The following TPD52 variants were observed in gnomAD, a reference collection of about 807,000 sequenced individuals.
TPD52 encodes the protein tumor protein D52.
A neutral mutation model predicts 31.3 loss-of-function variants in TPD52; 17 were observed. The observed-to-expected ratio is 0.54, with a 90% CI of 0.37 to 0.82. TPD52 has a LOEUF of 0.82. Ranked by LOEUF, TPD52 falls within the 40% of genes least tolerant of loss-of-function variation. The pLI, the probability that TPD52 is intolerant of heterozygous loss-of-function variation, is 0.00. For missense variants in TPD52, 212 were observed against 240.1 expected, an observed-to-expected ratio of 0.88 and a Z score of 0.77; for synonymous variants, 83 against 89.6, an observed-to-expected ratio of 0.93 and a Z score of 0.42.
intron 1 of TPD52, among the ~76,000 whole-genome samples, chr8:80,134,917 C>T (rs2131103542): frequency 6.6e-6 from 1 of 152,312 alleles, no homozygotes; most frequent in South Asian, 2.1e-4. Flanking sequence ...TAATTTGTTA[C>T]ACAGCGATAG....
intron 2 of TPD52, among the ~76,000 whole-genome samples, chr8:80,058,616 G>A (rs1030107237): frequency 9.8e-5 from 15 of 152,286 alleles, no homozygotes; most frequent in Non-Finnish European, 1.9e-4. Context: ...TGGCCTACAT[G>A]ACAAAACCCC....
At chr8:80,068,290 G>A (rs554769438) in intron 1 of TPD52, among the ~76,000 whole-genome samples, 2 of 152,222 alleles carry the variant, frequency 1.3e-5, no homozygotes, top group African/African-American at 4.8e-5. Context: ...CAGAGTTACA[G>A]AGGCAGGATT....
At chr8:80,148,912 T>C (rs1810385522) in intron 1 of TPD52, among the ~76,000 whole-genome samples, 1 of 152,226 alleles carries the variant, frequency 6.6e-6, no homozygotes, top group African/African-American at 2.4e-5. Context: ...AACACAGTTC[T>C]GCTCACTTCC....
At chr8:80,071,310 A>T (rs1354874696) in intron 1 of TPD52, among the ~76,000 whole-genome samples, 1 of 152,166 alleles carries the variant, frequency 6.6e-6, no homozygotes, top group East Asian at 1.9e-4. Flanking sequence ...ATTTATCTTC[A>T]AAGAGCCCCA....
intron 1 of TPD52, among the ~76,000 whole-genome samples, chr8:80,079,670 G>A (rs1325556694): frequency 1.3e-5 from 2 of 152,152 alleles, no homozygotes; most frequent in East Asian, 1.9e-4. Context: ...GACCCAGCCG[G>A]GAGGATGGCT....
At chr8:80,086,407 G>A (rs192494022) in intron 1 of TPD52, among the ~76,000 whole-genome samples, 19 of 151,810 alleles carry the variant, frequency 1.3e-4, no homozygotes, top group African/African-American at 3.9e-4. Flanking sequence ...GTGAGCCACC[G>A]AGCCTGACCG....
chr8:80,056,688 T>TA (rs965722069), intron 2 of TPD52, among the ~76,000 whole-genome samples: 14 of 151,590 alleles, frequency 9.2e-5, no homozygotes, highest in South Asian at 2.1e-4. Context: ...TGGTTACAAT[T>TA]AAAAAAAACA....
At chr8:80,080,016 T>G (rs149036172) in intron 1 of TPD52, among the ~76,000 whole-genome samples, 11 of 152,226 alleles carry the variant, frequency 7.2e-5, no homozygotes, top group African/African-American at 2.7e-4. Context: ...GATTCCTCCT[T>G]TTTTGTTATT....
At chr8:80,157,063 C>A (rs1248495832) in intron 1 of TPD52, among the ~76,000 whole-genome samples, 1 of 152,158 alleles carries the variant, frequency 6.6e-6, no homozygotes, top group African/African-American at 2.4e-5. Flanking sequence ...TCCCGCTCCA[C>A]TTTGGATTGG....
chr8:80,051,642 T>C lies in TPD52; in HGVS notation c.285-14A>G. 1 of 1,574,600 alleles carries C rather than the reference T, an allele frequency of 6.4e-7. No homozygotes were observed. The highest frequency in any genetic ancestry group is 8.6e-7 in the Non-Finnish European group (1 of 1,162,308). On this transcript the variant is annotated splice_polypyrimidine_tract_variant and intron_variant, in intron 3 of 7. Coordinates refer to ENST00000518937, the MANE Select transcript of TPD52 (RefSeq NM_001025253.3). ...GTCTTCTTGTAACTATATTAAATTA[T>C]AAACACACAGAGCAAAAGAAGGGTC...
rs1349269868 is a variant in TPD52, at chr8:80,171,429, C to T, written c.15G>A (p.Glu5=). MDRG[E]QGLLRTDPVP... ...CCGCTGGGTCCGCGCCCTCACCTTG[C>T]TCGCCGCGGTCCATGTCTCCAGCCC... Residue 5 remains glutamate, a synonymous_variant, in exon 1 of 8, where the codon GAG becomes GAA. Coordinates refer to ENST00000518937, the MANE Select transcript of TPD52 (RefSeq NM_001025253.3). 6.3e-7 allele frequency: 1 copy of T among 1,595,652 alleles called. No individual in the cohort carries two copies. The highest frequency in any genetic ancestry group is 2.2e-5 in the East Asian group (1 of 44,516).
At chr8:80,082,416 G>C (rs932167357) in intron 1 of TPD52, among the ~76,000 whole-genome samples, 2 of 152,102 alleles carry the variant, frequency 1.3e-5, no homozygotes, top group Non-Finnish European at 2.9e-5. Context: ...GGTAGAAAAA[G>C]TATTTGTCCA....
At chr8:80,098,902 C>A (rs921840975) in intron 1 of TPD52, among the ~76,000 whole-genome samples, 1 of 152,170 alleles carries the variant, frequency 6.6e-6, no homozygotes, top group Non-Finnish European at 1.5e-5. Context: ...CAGTCAGCAG[C>A]CATTCTCATT....
chr8:80,065,295 C>CTA (rs201902671), intron 1 of TPD52, among the ~76,000 whole-genome samples: 3,224 of 103,058 alleles, frequency 0.031, 83 homozygotes, highest in East Asian at 0.1. Context: ...ATATCTATAT[C>CTA]TATCTATCTA....
rs140443128 is a variant in TPD52 at position 80,099,042 on chromosome 8, TG to T, written c.20-34450del. On this transcript the variant is annotated intron_variant, in intron 1 of 7. Transcript: ENST00000518937. ...AATTTTGTTTTGTTTTGTTTTGTTTTGGGGGCGAGGGTATATACACAATTTT... is the reference window on the plus strand; with the variant it reads ...AATTTTGTTTTGTTTTGTTTTGTTTTGGGGCGAGGGTATATACACAATTTT... Among the ~76,000 whole-genome samples, 1,178 of 152,300 alleles carry T rather than the reference TG, an allele frequency of 7.7e-3. 13 individuals are homozygous for T. Among genetic ancestry groups the T allele is most frequent in the African/African-American group, 0.027 (1,130 of 41,546 alleles).
chr8:80,072,147 A>T (rs539457236), intron 1 of TPD52, among the ~76,000 whole-genome samples: 2 of 152,318 alleles, frequency 1.3e-5, no homozygotes, highest in African/African-American at 4.8e-5. Flanking sequence ...GTCTCAACTA[A>T]AAACACAAAG....
At chr8:80,054,061 G>A (rs1349504773) in intron 2 of TPD52, among the ~76,000 whole-genome samples, 1 of 152,178 alleles carries the variant, frequency 6.6e-6, no homozygotes, top group East Asian at 1.9e-4. Context: ...TGACTGCCCA[G>A]ACTTGACTAG....
At position 80,037,641 on chromosome 8, in the gene TPD52, A is replaced by G. The variant is rs1226463787; in HGVS notation, c.*475T>C. On this transcript the variant is annotated 3_prime_UTR_variant, in exon 8 of 8. Coordinates refer to ENST00000518937, the MANE Select transcript of TPD52 (RefSeq NM_001025253.3). The stretch of plus-strand genomic sequence containing the variant: ...TTGTAGCTAGTAGTTCTTTCCTTGG[A>G]GGTAAAGAAAATACACCCAAACTTT... The G allele has an allele frequency of 6.6e-6, 1 of 152,556 alleles. No individual in the cohort carries two copies. Among genetic ancestry groups the G allele is most frequent in the Admixed American group, 6.5e-5 (1 of 15,338 alleles). 9.5% of individuals were successfully genotyped at this position (152,556 alleles called of 1,614,324 possible). A position where few individuals can be genotyped will look rare whatever the true frequency, so the allele number is the denominator to read the frequency against.
At chr8:80,112,283 A>T (rs919712512) in intron 1 of TPD52, among the ~76,000 whole-genome samples, 3 of 152,220 alleles carry the variant, frequency 2.0e-5, no homozygotes, top group African/African-American at 7.2e-5. Flanking sequence ...AGATATTATC[A>T]TTATTCCCAT....
Sources: gnomAD v4.1 joint callset for allele counts (sites outside exome capture counted in the v4.1 genomes callset) on GRCh38, gnomAD v4.1.1 for gene constraint, MANE v1.5 for transcripts, NCBI Gene and HGNC (gene_info 2026-07-23, HGNC 2026-07-21) for gene names.